The following FSTL5 variants were observed in gnomAD, a reference collection of about 807,000 sequenced individuals.
The protein encoded by FSTL5 is follistatin like 5.
A neutral mutation model predicts 89.1 loss-of-function variants in FSTL5; 62 were observed. That is an observed-to-expected ratio of 0.70 (90% CI 0.57 to 0.86). FSTL5 has a LOEUF of 0.86. FSTL5 is among the 40% of genes least tolerant of loss of function. The probability of loss-of-function intolerance (pLI) is 0.00; values close to 1 mark genes in which losing one functional copy is unlikely to be tolerated. For missense variants in FSTL5, 1,057 were observed against 1,001.6 expected, an observed-to-expected ratio of 1.06 and a Z score of -0.75; for synonymous variants, 383 against 346.2, an observed-to-expected ratio of 1.11 and a Z score of -1.18.
intron 10 of FSTL5, among the ~76,000 whole-genome samples, chr4:161,536,017 A>T (rs1311490769): frequency 6.6e-6 from 1 of 152,164 alleles, no homozygotes; most frequent in Admixed American, 6.6e-5. Context: ...GTTCTCACTT[A>T]TAAGTAGGAG....
At chr4:161,725,524 A>G (rs1173190601) in intron 6 of FSTL5, among the ~76,000 whole-genome samples, 1 of 151,570 alleles carries the variant, frequency 6.6e-6, no homozygotes, top group African/African-American at 2.4e-5. Context: ...TATGAAATAT[A>G]TAAAAACTAT....
chr4:162,008,867 C>G (rs181844219), intron 3 of FSTL5, among the ~76,000 whole-genome samples: 2 of 151,884 alleles, frequency 1.3e-5, no homozygotes, highest in African/African-American at 4.8e-5. Context: ...ATTAAACAGG[C>G]TTAGTTACTC....
chr4:162,061,858 T>C (rs1279763828), intron 2 of FSTL5, among the ~76,000 whole-genome samples: 1 of 152,100 alleles, frequency 6.6e-6, no homozygotes, highest in African/African-American at 2.4e-5. Context: ...TTTCTGTTAC[T>C]CCTACATTTA....
At chr4:162,028,203 T>C (rs943276913) in intron 3 of FSTL5, among the ~76,000 whole-genome samples, 1 of 152,196 alleles carries the variant, frequency 6.6e-6, no homozygotes, top group African/African-American at 2.4e-5. Flanking sequence ...AAATACTTAA[T>C]TTTCATAAAT....
intron 3 of FSTL5, among the ~76,000 whole-genome samples, chr4:161,982,865 A>C (rs1286804354): frequency 6.6e-6 from 1 of 152,162 alleles, no homozygotes; most frequent in East Asian, 1.9e-4. Flanking sequence ...TAATGCCTAC[A>C]ATGTCTTAGT....
chr4:161,456,253 G>C (rs561052857), intron 14 of FSTL5, among the ~76,000 whole-genome samples: 1 of 152,050 alleles, frequency 6.6e-6, no homozygotes, highest in Admixed American at 6.6e-5. Context: ...TTTTAAGGCA[G>C]TATTTTGAAA....
chr4:161,704,055 G>A (rs941112514), intron 6 of FSTL5, among the ~76,000 whole-genome samples: 3 of 152,054 alleles, frequency 2.0e-5, no homozygotes, highest in African/African-American at 7.2e-5. Flanking sequence ...AAGCTAAAGG[G>A]AAAACTCAGC....
intron 13 of FSTL5, among the ~76,000 whole-genome samples, chr4:161,462,274 G>C (rs1390805990): frequency 6.6e-6 from 1 of 152,140 alleles, no homozygotes; most frequent in Non-Finnish European, 1.5e-5. Context: ...TTAGTTGATT[G>C]TTTATTCCTG....
intron 6 of FSTL5, among the ~76,000 whole-genome samples, chr4:161,682,897 C>T (rs2126710362): frequency 6.6e-6 from 1 of 152,148 alleles, no homozygotes; most frequent in East Asian, 1.9e-4. Flanking sequence ...CAGGCATGCA[C>T]CACCACACCT....
At chr4:161,874,697 C>T (rs1050698108) in intron 4 of FSTL5, among the ~76,000 whole-genome samples, 1 of 150,162 alleles carries the variant, frequency 6.7e-6, no homozygotes, top group Non-Finnish European at 1.5e-5. Flanking sequence ...ATCTTCTTTT[C>T]GGCTGCGTTT....
rs367859542 is a variant in FSTL5 at position 161,457,741 on chromosome 4, CAT to C, written c.1716+1469_1716+1470del. 3.7e-3 allele frequency among the ~76,000 whole-genome samples: 557 copies of C among 151,766 alleles called. 3 individuals carry two copies. Among genetic ancestry groups the C allele is most frequent in the African/African-American group, 0.012 (504 of 41,406 alleles). On this transcript the variant is annotated intron_variant, in intron 14 of 15. Coordinates refer to ENST00000306100, the MANE Select transcript of FSTL5 (RefSeq NM_020116.5). Reference sequence around the variant, plus strand: ...TTTATAAGAATATTTTCTAAAAAATCATATATATATTGACCTGTTTTATTTAT... The same window carrying C: ...TTTATAAGAATATTTTCTAAAAAATCATATATATTGACCTGTTTTATTTAT...
In FSTL5 at chr4:162,062,748, C is replaced by T. The variant is rs566419664; in HGVS notation, c.127-29090G>A. Among the ~76,000 whole-genome samples the T allele has an allele frequency of 7.3e-5, 11 of 150,786 alleles. No homozygotes were observed. The South Asian group carries it at 2.3e-3, about 32-fold the overall frequency. On this transcript the variant is annotated intron_variant, in intron 2 of 15. Coordinates refer to ENST00000306100, the MANE Select transcript of FSTL5 (RefSeq NM_020116.5). The stretch of plus-strand genomic sequence containing the variant: ...TTAAAAATATATATATGTATATACA[C>T]ACACCTTTTTGCTCACTGTAAGCAA...
At chr4:161,780,512 G>A (rs1402933437) in intron 4 of FSTL5, among the ~76,000 whole-genome samples, 3 of 152,086 alleles carry the variant, frequency 2.0e-5, no homozygotes, top group Admixed American at 2.0e-4. Context: ...ATATACTAGT[G>A]AAAATGAAAA....
At position 161,413,277 on chromosome 4, in the gene FSTL5, AAAAAAAT is replaced by A. The variant is rs762317133; in HGVS notation, c.1842-26835_1842-26829del. Among the ~76,000 whole-genome samples the A allele has an allele frequency of 4.7e-3, 43 of 9,246 alleles. 3 individuals are homozygous for A. Among genetic ancestry groups the A allele is most frequent in the Non-Finnish European group, 0.013 (38 of 2,866 alleles). 6.1% of individuals were successfully genotyped at this position (9,246 alleles called of 152,430 possible). The stretch of plus-strand genomic sequence containing the variant: ...CTCAAAAAAAAAAAAAAAAAAAAAA[AAAAAAAT>A]AAAGACACACAAGTGGCCAAGAAGC... On this transcript the variant is annotated intron_variant, in intron 15 of 15. Coordinates refer to ENST00000306100, the MANE Select transcript of FSTL5 (RefSeq NM_020116.5).
intron 1 of FSTL5, among the ~76,000 whole-genome samples, chr4:162,133,765 G>T (rs1373937741): frequency 1.3e-5 from 2 of 152,248 alleles, no homozygotes; most frequent in East Asian, 3.9e-4. Flanking sequence ...TTCTGTGTCT[G>T]TTTTTAAAGA....
chr4:161,908,195 A>G (rs557200646), intron 4 of FSTL5, among the ~76,000 whole-genome samples: 5 of 152,092 alleles, frequency 3.3e-5, no homozygotes, highest in East Asian at 1.9e-4. Context: ...ACCTCTACCA[A>G]TTTGGGAAAA....
intron 3 of FSTL5, among the ~76,000 whole-genome samples, chr4:161,954,572 G>A (rs1734979087): frequency 6.6e-6 from 1 of 151,552 alleles, no homozygotes; most frequent in African/African-American, 2.4e-5. Context: ...TTCTAAGTAT[G>A]TATGTCTGTA....
At chr4:161,401,866 T>G (rs962262921) in intron 15 of FSTL5, among the ~76,000 whole-genome samples, 3 of 152,166 alleles carry the variant, frequency 2.0e-5, no homozygotes, top group Non-Finnish European at 4.4e-5. Context: ...GAAAATTGGT[T>G]GCAGTTCACT....
intron 6 of FSTL5, among the ~76,000 whole-genome samples, chr4:161,682,334 T>C (rs958617991): frequency 4.6e-5 from 7 of 152,152 alleles, no homozygotes; most frequent in African/African-American, 1.7e-4. Context: ...CAATAATAAA[T>C]TAAACTTCTC....
Sources: gnomAD v4.1 joint callset for allele counts (sites outside exome capture counted in the v4.1 genomes callset) on GRCh38, gnomAD v4.1.1 for gene constraint, MANE v1.5 for transcripts, NCBI Gene and HGNC (gene_info 2026-07-23, HGNC 2026-07-21) for gene names.